Variants in NRXN3 observed in about 807,000 individuals in gnomAD.
NRXN3 encodes neurexin III.
NRXN3 carries 32 observed loss-of-function variants against 137.6 expected under a neutral mutation model. That is an observed-to-expected ratio of 0.23 (90% confidence interval 0.18 to 0.31). The LOEUF (loss-of-function observed/expected upper bound fraction) is 0.31. Among genes scored for constraint, NRXN3 ranks in the 10% least tolerant of loss-of-function variants. The pLI is 1.00. For missense variants in NRXN3, 1,574 were observed against 2,062.5 expected (o/e 0.76, Z 4.59); for synonymous variants, 798 against 784.5 (o/e 1.02, Z -0.29).
chr14:79,489,922 C>T (rs1601086611), intron 16 of NRXN3, among the ~76,000 whole-genome samples: 1 of 151,316 alleles, frequency 6.6e-6, no homozygotes, highest in African/African-American at 2.4e-5. Flanking sequence ...ACCTGTAGTC[C>T]CAGCTACTCG....
At chr14:79,565,347 G>GTGTGTGTATATATATA (rs1491496752) in intron 16 of NRXN3, among the ~76,000 whole-genome samples, 6 of 146,630 alleles carry the variant, frequency 4.1e-5, no homozygotes, top group Non-Finnish European at 7.5e-5. Flanking sequence ...ACATATGTGT[G>GTGTGTGTATATATATA]CGTATATGTA....
chr14:79,827,690 ACTTT>A (rs2099309352), intron 20 of NRXN3, among the ~76,000 whole-genome samples: 1 of 85,410 alleles, frequency 1.2e-5, no homozygotes, highest in Non-Finnish European at 2.1e-5. Flanking sequence ...GATGCCACAA[ACTTT>A]TTTTTTTTTT....
chr14:78,899,381 T>C (rs1448278213), intron 10 of NRXN3, among the ~76,000 whole-genome samples: 1 of 151,974 alleles, frequency 6.6e-6, no homozygotes, highest in Non-Finnish European at 1.5e-5. Flanking sequence ...GTAGATAGTT[T>C]CACCTGAGAA....
At chr14:79,441,972 A>G (rs1249784518) in intron 15 of NRXN3, among the ~76,000 whole-genome samples, 1 of 152,006 alleles carries the variant, frequency 6.6e-6, no homozygotes, top group East Asian at 1.9e-4. Context: ...TTTCTCTCCC[A>G]TGCTTTTCTC....
intron 15 of NRXN3, among the ~76,000 whole-genome samples, chr14:79,082,030 G>A (rs567232201): frequency 6.6e-6 from 1 of 151,276 alleles, no homozygotes. Context: ...AAACATATAT[G>A]TTTCATACAT....
chr14:78,880,675 A>G (rs143859823), intron 10 of NRXN3, among the ~76,000 whole-genome samples: 2 of 152,310 alleles, frequency 1.3e-5, no homozygotes, highest in Admixed American at 6.5e-5. Flanking sequence ...CTGTTACATT[A>G]TAAGGAATAT....
intron 14 of NRXN3, among the ~76,000 whole-genome samples, chr14:78,980,475 A>G (rs1271100692): frequency 6.6e-6 from 1 of 152,234 alleles, no homozygotes; most frequent in African/African-American, 2.4e-5. Flanking sequence ...AGCTTTAGGA[A>G]GAAAGTCTAT....
intron 6 of NRXN3, among the ~76,000 whole-genome samples, chr14:78,676,376 G>A (rs1258821376): frequency 6.6e-6 from 1 of 152,070 alleles, no homozygotes; most frequent in East Asian, 1.9e-4. Context: ...AACAGATATT[G>A]CTGATATGCA....
chr14:78,659,405 A>G (rs1275115784), intron 6 of NRXN3, among the ~76,000 whole-genome samples: 1 of 152,146 alleles, frequency 6.6e-6, no homozygotes, highest in African/African-American at 2.4e-5. Context: ...TTGGCTGGGC[A>G]TGGTAGTTCA....
chr14:78,875,187 TA>T (rs2099111065), intron 10 of NRXN3, among the ~76,000 whole-genome samples: 1 of 152,186 alleles, frequency 6.6e-6, no homozygotes, highest in Non-Finnish European at 1.5e-5. Context: ...TGACAAACTT[TA>T]AAAGGTTCTA....
In NRXN3 at chr14:78,396,803, C is replaced by G. The variant is rs1001983029; in HGVS notation, c.757+98943C>G. Among the ~76,000 whole-genome samples the G allele has an allele frequency of 3.9e-5, 6 of 152,166 alleles. No homozygotes were observed. In the East Asian group the frequency reaches 1.2e-3, roughly 29 times the overall value. The stretch of plus-strand genomic sequence containing the variant: ...TTCTGATATGTTATTGTAGTCAGCT[C>G]AGATTGCCATCACACAATATCATAG... On this transcript the variant is annotated intron_variant, in intron 4 of 20. Transcript: ENST00000335750.
intron 10 of NRXN3, among the ~76,000 whole-genome samples, chr14:78,811,263 T>C (rs2098911192): frequency 6.6e-6 from 1 of 152,192 alleles, no homozygotes; most frequent in South Asian, 2.1e-4. Flanking sequence ...AATTGGTCAG[T>C]TTTCCCAGAC....
At chr14:79,178,877 A>G (rs1250440629) in intron 15 of NRXN3, among the ~76,000 whole-genome samples, 2 of 152,228 alleles carry the variant, frequency 1.3e-5, no homozygotes, top group Admixed American at 1.3e-4. Flanking sequence ...CTACCAAATC[A>G]TTAATCTCTG....
At chr14:78,476,840 T>A (rs1438760879) in intron 4 of NRXN3, among the ~76,000 whole-genome samples, 1 of 152,236 alleles carries the variant, frequency 6.6e-6, no homozygotes, top group Non-Finnish European at 1.5e-5. Flanking sequence ...AACTGGGAAT[T>A]CTTAGTTAAT....
chr14:79,273,463 T>C (rs2079730958), intron 15 of NRXN3, among the ~76,000 whole-genome samples: 1 of 151,740 alleles, frequency 6.6e-6, no homozygotes, highest in African/African-American at 2.4e-5. Context: ...TGAAACCCCG[T>C]CTCTACTCAA....
At chr14:79,014,102 T>C (rs918536744) in intron 15 of NRXN3, among the ~76,000 whole-genome samples, 9 of 152,158 alleles carry the variant, frequency 5.9e-5, no homozygotes, top group African/African-American at 1.9e-4. Context: ...CAGTGGGACC[T>C]CTCTTTTTTT....
chr14:78,828,803 A>C (rs1220105717), intron 10 of NRXN3, among the ~76,000 whole-genome samples: 2 of 152,228 alleles, frequency 1.3e-5, no homozygotes, highest in Non-Finnish European at 2.9e-5. Flanking sequence ...TCTCCTTATA[A>C]GATTTGCATT....
At chr14:78,564,905 G>A (rs1189260367) in intron 4 of NRXN3, among the ~76,000 whole-genome samples, 1 of 152,032 alleles carries the variant, frequency 6.6e-6, no homozygotes, top group East Asian at 1.9e-4. Context: ...TATGTTCCAT[G>A]TCCTCCACTG....
At chr14:79,827,368 A>T (rs2099307959) in intron 20 of NRXN3, among the ~76,000 whole-genome samples, 1 of 152,220 alleles carries the variant, frequency 6.6e-6, no homozygotes, top group Middle Eastern at 3.2e-3. Context: ...AGAGCTTGCA[A>T]AAAATTCTGA....
Sources: gnomAD v4.1 joint callset for allele counts (sites outside exome capture counted in the v4.1 genomes callset) on GRCh38, gnomAD v4.1.1 for gene constraint, MANE v1.5 for transcripts, NCBI Gene and HGNC (gene_info 2026-07-23, HGNC 2026-07-21) for gene names.